GSK3B: variants seen among roughly 807,000 people sequenced by gnomAD.
The protein encoded by GSK3B is glycogen synthase kinase 3 beta.
In GSK3B, 15 loss-of-function variants were observed where a neutral mutation model predicts 56.4. The ratio of observed to expected loss-of-function variants is 0.27; its 90% confidence interval spans 0.18 to 0.41. GSK3B has a LOEUF of 0.41. GSK3B is among the 10% of genes least tolerant of loss of function. The pLI, the probability that GSK3B is intolerant of heterozygous loss-of-function variation, is 1.00. For missense variants in GSK3B, 300 were observed against 513.4 expected (o/e 0.58, Z 4.02); for synonymous variants, 181 against 188.9 (o/e 0.96, Z 0.34).
chr3:119,884,493 A>G (rs1036114592), intron 7 of GSK3B, among the ~76,000 whole-genome samples: 1 of 152,158 alleles, frequency 6.6e-6, no homozygotes, highest in Non-Finnish European at 1.5e-5. Flanking sequence ...TGAATTTTAC[A>G]GATACAATAT....
At chr3:119,837,599 T>G (rs1039540166) in intron 10 of GSK3B, among the ~76,000 whole-genome samples, 1 of 151,934 alleles carries the variant, frequency 6.6e-6, no homozygotes, top group African/African-American at 2.4e-5. Flanking sequence ...AAATCCATGG[T>G]TTTTAACAGC....
chr3:119,888,289 G>A (rs1206842539), intron 7 of GSK3B, among the ~76,000 whole-genome samples: 5 of 152,248 alleles, frequency 3.3e-5, no homozygotes, highest in African/African-American at 7.2e-5. Flanking sequence ...CTGGAGCCAC[G>A]GCAGAGGAAC....
At chr3:119,924,536 A>G (rs2056872592) in intron 3 of GSK3B, among the ~76,000 whole-genome samples, 1 of 149,302 alleles carries the variant, frequency 6.7e-6, no homozygotes, top group African/African-American at 2.5e-5. Context: ...GAAGCATTTC[A>G]CGCAGAGAGA....
At chr3:119,932,277 A>T (rs551795011) in intron 3 of GSK3B, among the ~76,000 whole-genome samples, 1 of 152,324 alleles carries the variant, frequency 6.6e-6, no homozygotes, top group East Asian at 1.9e-4. Context: ...ACTGGCAAAA[A>T]TCTCCAAAAT....
chr3:119,973,509 G>T (rs1404030421), intron 2 of GSK3B, among the ~76,000 whole-genome samples: 1 of 152,128 alleles, frequency 6.6e-6, no homozygotes, highest in Admixed American at 6.5e-5. Flanking sequence ...ACTGGCATAT[G>T]GTTAGAAGGT....
intron 9 of GSK3B, among the ~76,000 whole-genome samples, chr3:119,859,206 C>T (rs940248860): frequency 1.3e-5 from 2 of 148,584 alleles, no homozygotes; most frequent in African/African-American, 4.9e-5. Flanking sequence ...AAAGCATTAC[C>T]TGTGAAATGC....
chr3:119,925,743 CCAT>C (rs1050003006), intron 3 of GSK3B, among the ~76,000 whole-genome samples: 5 of 152,034 alleles, frequency 3.3e-5, no homozygotes, highest in African/African-American at 1.2e-4. Context: ...CTAATCACCA[CCAT>C]ATTTCTGCCT....
chr3:120,048,628 A>G (rs2058122853), intron 1 of GSK3B, among the ~76,000 whole-genome samples: 1 of 152,226 alleles, frequency 6.6e-6, no homozygotes, highest in Non-Finnish European at 1.5e-5. Context: ...TAGTTGGCAC[A>G]TAAAAAATGC....
chr3:119,925,497 C>T (rs1019993772), intron 3 of GSK3B, among the ~76,000 whole-genome samples: 13 of 152,302 alleles, frequency 8.5e-5, no homozygotes, highest in African/African-American at 3.1e-4. Context: ...CAGCATCTAT[C>T]TCCATATACT....
intron 8 of GSK3B, among the ~76,000 whole-genome samples, chr3:119,864,381 TTAAA>T (rs1409074123): frequency 6.6e-6 from 1 of 152,156 alleles, no homozygotes; most frequent in African/African-American, 2.4e-5. Context: ...AATTTGTGTC[TTAAA>T]TAAAGCTAAT....
intron 2 of GSK3B, among the ~76,000 whole-genome samples, chr3:119,952,248 G>A (rs769068985): frequency 1.3e-5 from 2 of 152,126 alleles, no homozygotes; most frequent in African/African-American, 2.4e-5. Flanking sequence ...AGCACTTTGG[G>A]AGGCCGAGGC....
chr3:120,001,835 T>C (rs1269041070), intron 2 of GSK3B, among the ~76,000 whole-genome samples: 1 of 152,210 alleles, frequency 6.6e-6, no homozygotes, highest in Non-Finnish European at 1.5e-5. Context: ...ATATGTCATT[T>C]GTAATGACTA....
At chr3:120,074,117 C>A (rs1423133058) in intron 1 of GSK3B, among the ~76,000 whole-genome samples, 1 of 151,906 alleles carries the variant, frequency 6.6e-6, no homozygotes, top group African/African-American at 2.4e-5. Flanking sequence ...CCAGCTTGGG[C>A]AACATGGTGA....
chr3:119,913,532 G>T (rs1050508109), intron 5 of GSK3B, among the ~76,000 whole-genome samples: 1 of 151,420 alleles, frequency 6.6e-6, no homozygotes, highest in South Asian at 2.1e-4. Context: ...TTGAGATGTC[G>T]CCCAAGATAA....
chr3:120,089,532 C>A (rs375748772), intron 1 of GSK3B, among the ~76,000 whole-genome samples: 1 of 152,166 alleles, frequency 6.6e-6, no homozygotes, highest in Admixed American at 6.5e-5. Flanking sequence ...AATCACCATA[C>A]GACGTAATAC....
intron 1 of GSK3B, among the ~76,000 whole-genome samples, chr3:120,058,853 T>C (rs919534731): frequency 1.3e-5 from 2 of 151,626 alleles, no homozygotes; most frequent in African/African-American, 4.8e-5. Context: ...CTACTAAAAA[T>C]ACAAAAATTA....
chr3:120,057,230 A>T (rs759066390), intron 1 of GSK3B, among the ~76,000 whole-genome samples: 1 of 152,184 alleles, frequency 6.6e-6, no homozygotes, highest in African/African-American at 2.4e-5. Flanking sequence ...TAAATCAACA[A>T]TTTTTTTTAA....
rs1194150881 is a variant in GSK3B, at chr3:119,843,243, G to C, written c.1195+12C>G. On this transcript the variant is annotated intron_variant, in intron 10 of 10. Transcript: ENST00000264235. ...AATATGTTTTTATAGAAGAGACTTAGAACGTTCTTACCTGACGCTGCTGTG... is the reference window on the plus strand; with the variant it reads ...AATATGTTTTTATAGAAGAGACTTACAACGTTCTTACCTGACGCTGCTGTG... 1.3e-6 allele frequency: 2 copies of C among 1,560,548 alleles called. No homozygotes were observed. The highest frequency in any genetic ancestry group is 1.7e-4 in the Middle Eastern group (1 of 5,902).
At chr3:119,853,847 A>C (rs1039945013) in intron 9 of GSK3B, among the ~76,000 whole-genome samples, 1 of 152,192 alleles carries the variant, frequency 6.6e-6, no homozygotes, top group African/African-American at 2.4e-5. Context: ...TACTAAATAT[A>C]CAATCATCTC....
Sources: allele counts gnomAD v4.1 joint callset (sites outside exome capture counted in the v4.1 genomes callset), GRCh38; gene constraint gnomAD v4.1.1; transcripts MANE v1.5; gene names NCBI Gene and HGNC (gene_info 2026-07-23, HGNC 2026-07-21).